The following NECTIN3 variants were observed in gnomAD, a reference collection of about 807,000 sequenced individuals.
NECTIN3 encodes the protein nectin-3.
NECTIN3 carries 8 observed loss-of-function variants against 49.4 expected under a neutral mutation model. The ratio of observed to expected loss-of-function variants is 0.16; its 90% CI spans 0.10 to 0.29. The LOEUF (loss-of-function observed/expected upper bound fraction) is 0.29, where lower values mean the gene tolerates loss of function less well. Among genes scored for constraint, NECTIN3 ranks in the 10% least tolerant of loss-of-function variants. NECTIN3 has a pLI of 1.00. For synonymous variants in NECTIN3, 277 were observed against 241.1 expected, an observed-to-expected ratio of 1.15 and a Z score of -1.38; for missense variants, 581 against 654.6, an observed-to-expected ratio of 0.89 and a Z score of 1.23.
chr3:111,079,576 T>C (rs1281662832), intron 1 of NECTIN3, among the ~76,000 whole-genome samples: 1 of 151,784 alleles, frequency 6.6e-6, no homozygotes, highest in African/African-American at 2.4e-5. Flanking sequence ...TCTCCATTCC[T>C]TTAATTTTTT....
At chr3:111,098,377 G>A (rs9821335) in intron 1 of NECTIN3, among the ~76,000 whole-genome samples, 107,907 of 152,138 alleles carry the variant, frequency 0.71, 43,798 homozygotes, top group Non-Finnish European at 0.93. Flanking sequence ...AATTTGTGCT[G>A]TGCATCCTAT....
intron 1 of NECTIN3, chr3:111,072,746 A>G (rs2030878394): frequency 3.1e-6 from 2 of 650,174 alleles, no homozygotes; most frequent in African/African-American, 3.7e-5. Context: ...CAGCTTCTGG[A>G]GCTCTCTAGA....
At chr3:111,163,161 T>A (rs2035249696) in intron 7 of NECTIN3, among the ~76,000 whole-genome samples, 1 of 152,138 alleles carries the variant, frequency 6.6e-6, no homozygotes, top group Admixed American at 6.5e-5. Flanking sequence ...CTGGAACAGT[T>A]TACACTACCA....
At position 111,186,790 on chromosome 3, in the gene NECTIN3, G is replaced by C. The variant is rs563114326; in HGVS notation, c.1222-5561G>C. ...AGTGAATATGGATTATAACTCAATA[G>C]AAATTGCTATAATATAGTACATGTA... is the stretch of plus-strand genomic sequence containing the variant. On this transcript the variant is annotated intron_variant, in intron 7 of 8. Coordinates refer to the NECTIN3 transcript ENST00000493615. Among the ~76,000 whole-genome samples, 129 of 152,264 alleles carry C rather than the reference G, an allele frequency of 8.5e-4. 2 individuals carry two copies. In the South Asian group the frequency reaches 0.027, roughly 32 times the overall value.
intron 7 of NECTIN3, among the ~76,000 whole-genome samples, chr3:111,174,989 A>G (rs1474423294): frequency 1.3e-5 from 2 of 152,020 alleles, no homozygotes; most frequent in Non-Finnish European, 2.9e-5. Flanking sequence ...GCAGGATTTC[A>G]GTGAGTGGTG....
At chr3:111,144,944 T>C in exon 6 of NECTIN3, 1 of 1,536,316 alleles carries the variant, frequency 6.5e-7, no homozygotes, top group Non-Finnish European at 8.7e-7. Context: ...GCTGGAGCGG[T>C]AATTGGAGCT....
intron 7 of NECTIN3, among the ~76,000 whole-genome samples, chr3:111,163,577 G>C (rs72937952): frequency 0.084 from 12,826 of 152,170 alleles, 875 homozygotes; most frequent in African/African-American, 0.19. Flanking sequence ...GCAAATCTTT[G>C]CAAGGTTTGT....
chr3:111,117,508 A>G (rs78157313), intron 2 of NECTIN3, among the ~76,000 whole-genome samples: 4,049 of 152,208 alleles, frequency 0.027, 127 homozygotes, highest in African/African-American at 0.078. Context: ...CGTGTGTTGC[A>G]TGTACTTTTT....
chr3:111,119,030 A>G, intron 3 of NECTIN3, 78 bp downstream of exon 3: 2 of 1,227,154 alleles, frequency 1.6e-6, no homozygotes, highest in Non-Finnish European at 2.2e-6. Context: ...AATATTTAAT[A>G]GCTTTTCCTT....
intron 4 of NECTIN3, among the ~76,000 whole-genome samples, chr3:111,125,631 T>C (rs1290424452): frequency 2.6e-5 from 4 of 152,182 alleles, no homozygotes; most frequent in Non-Finnish European, 5.9e-5. Flanking sequence ...ACAAGTGAAA[T>C]TATTTTATAG....
intron 5 of NECTIN3, among the ~76,000 whole-genome samples, chr3:111,129,889 A>T (rs1027614149): frequency 4.0e-5 from 6 of 151,698 alleles, no homozygotes; most frequent in African/African-American, 1.5e-4. Flanking sequence ...AGCTCAGGCA[A>T]TCCACCCACC....
intron 1 of NECTIN3, among the ~76,000 whole-genome samples, chr3:111,077,590 C>T (rs2031307015): frequency 6.6e-6 from 1 of 152,068 alleles, no homozygotes; most frequent in Admixed American, 6.5e-5. Context: ...TATGGACTTA[C>T]TAGATCAACA....
intron 7 of NECTIN3, among the ~76,000 whole-genome samples, chr3:111,177,066 G>A (rs2035544046): frequency 6.6e-6 from 1 of 152,020 alleles, no homozygotes; most frequent in African/African-American, 2.4e-5. Context: ...TAACCACTTA[G>A]AAAATCTTAA....
intron 1 of NECTIN3, among the ~76,000 whole-genome samples, chr3:111,084,631 A>C (rs1437855319): frequency 6.6e-6 from 1 of 152,192 alleles, no homozygotes; most frequent in Non-Finnish European, 1.5e-5. Flanking sequence ...AGGATTTAAG[A>C]AATAAAGATA....
intron 7 of NECTIN3, among the ~76,000 whole-genome samples, chr3:111,157,403 C>G (rs2035119247): frequency 1.3e-5 from 2 of 152,034 alleles, no homozygotes; most frequent in African/African-American, 4.8e-5. Flanking sequence ...AGGTCTACTT[C>G]TGGTTTTTCA....
chr3:111,134,796 A>T lies in NECTIN3; in HGVS notation c.*581A>T. 1 of 980,492 alleles carries T rather than the reference A, an allele frequency of 1.0e-6. No homozygotes were observed. The highest frequency in any genetic ancestry group is 1.2e-6 in the Non-Finnish European group (1 of 825,544). 60.7% of individuals were successfully genotyped at this position (980,492 alleles called of 1,614,324 possible). A position where few individuals can be genotyped will look rare whatever the true frequency, so the allele number is the denominator to read the frequency against. On this transcript the variant is annotated 3_prime_UTR_variant, in exon 6 of 6. Transcript: ENST00000485303. The stretch of plus-strand genomic sequence containing the variant: ...ATGAAATCTTTACCTCTGCATATTA[A>T]TGAGCCTTGCCATAATTACTGTAGA...
Position 111,116,469 on chromosome 3 carries a change from G to A in NECTIN3, c.503-2187G>A, listed in dbSNP as rs117291168. ...TCTTTTCAACTGATTGGAAAGAGCT[G>A]TGCTGAAGTATCAAATTCTACAAAG... On this transcript the variant is annotated intron_variant, in intron 2 of 5. Transcript: ENST00000485303. 2.0e-4 allele frequency among the ~76,000 whole-genome samples: 30 copies of A among 152,204 alleles called. No homozygotes were observed. The East Asian group carries it at 5.4e-3, about 27-fold the overall frequency.
At chr3:111,163,143 G>T (rs2035248868) in intron 7 of NECTIN3, among the ~76,000 whole-genome samples, 1 of 152,192 alleles carries the variant, frequency 6.6e-6, no homozygotes, top group African/African-American at 2.4e-5. Context: ...AACACAAACA[G>T]ATGGGGGCTG....
chr3:111,091,856 T>C (rs1356341538), intron 1 of NECTIN3, among the ~76,000 whole-genome samples: 1 of 152,224 alleles, frequency 6.6e-6, no homozygotes, highest in Non-Finnish European at 1.5e-5. Flanking sequence ...AATTATATTT[T>C]ACCTTTTGAA....
Sources: gnomAD v4.1 joint callset for allele counts (sites outside exome capture counted in the v4.1 genomes callset) on GRCh38, gnomAD v4.1.1 for gene constraint, MANE v1.5 for transcripts, NCBI Gene and HGNC (gene_info 2026-07-23, HGNC 2026-07-21) for gene names.